Variants in CACNA1D observed in about 807,000 individuals in gnomAD.
The protein encoded by CACNA1D is voltage-dependent L-type calcium channel subunit alpha-1D.
CACNA1D carries 55 observed loss-of-function variants against 257.1 expected under a neutral mutation model. That is an observed-to-expected ratio of 0.21 (90% CI 0.17 to 0.27). The LOEUF is 0.27. Ranked by LOEUF, CACNA1D falls within the 10% of genes least tolerant of loss-of-function variation. The pLI, the probability that CACNA1D is intolerant of heterozygous loss-of-function variation, is 1.00. For missense variants in CACNA1D, 1,876 were observed against 2,784.0 expected (o/e 0.67, Z 7.34); for synonymous variants, 980 against 1,014.9 (o/e 0.97, Z 0.65).
intron 5 of CACNA1D, among the ~76,000 whole-genome samples, chr3:53,665,198 A>T (rs1237327304): frequency 6.6e-6 from 1 of 151,956 alleles, no homozygotes; most frequent in East Asian, 1.9e-4. Context: ...AACTATTGGG[A>T]TATTTATATA....
intron 21 of CACNA1D, among the ~76,000 whole-genome samples, chr3:53,742,381 G>A (rs920703185): frequency 6.6e-6 from 1 of 152,160 alleles, no homozygotes; most frequent in Admixed American, 6.5e-5. Flanking sequence ...GGTGCTCCAG[G>A]TACATGTGGC....
chr3:53,512,407 G>T (rs1454356181), intron 3 of CACNA1D, among the ~76,000 whole-genome samples: 1 of 152,164 alleles, frequency 6.6e-6, no homozygotes, highest in African/African-American at 2.4e-5. Flanking sequence ...TCAGTTAATT[G>T]ATGTTATTAA....
chr3:53,800,638 A>G lies in CACNA1D; in HGVS notation c.5040+273A>G, dbSNP rs1450000265. 4 of 525,782 alleles carry G rather than the reference A, an allele frequency of 7.6e-6. No individual in the cohort carries two copies. The Admixed American group carries it at 8.9e-5, about 12-fold the overall frequency. The allele number at this position is 525,782 out of a possible 1,614,324, so 32.6% of individuals were successfully genotyped here. On this transcript the variant is annotated intron_variant, in intron 41 of 47. Transcript: ENST00000350061. This position sits in a 1 kb window ranked among gnomAD's most constrained non-coding sequence, Gnocchi z 4.3. ...TCGGCCACAGCCGCTGGCCCTGTGG[A>G]TGAGCATCCTGAGTCCTTCCGGCAG...
chr3:53,778,892 G>T (rs7615160), intron 37 of CACNA1D, among the ~76,000 whole-genome samples: 1 of 152,226 alleles, frequency 6.6e-6, no homozygotes, highest in African/African-American at 2.4e-5. Flanking sequence ...AGGTCTGAAG[G>T]ACATTCCCTG....
chr3:53,507,316 T>C (rs1398213337), intron 3 of CACNA1D, among the ~76,000 whole-genome samples: 1 of 152,232 alleles, frequency 6.6e-6, no homozygotes, highest in East Asian at 1.9e-4. Context: ...CAGCTCTTAA[T>C]TGAGATTTGT....
chr3:53,758,349 T>G (rs2095279342), intron 29 of CACNA1D, among the ~76,000 whole-genome samples: 2 of 152,200 alleles, frequency 1.3e-5, no homozygotes, highest in South Asian at 4.1e-4. Context: ...ACATTATTTA[T>G]ATAGGCTTCT....
chr3:53,520,564 G>A (rs539665098), intron 3 of CACNA1D, among the ~76,000 whole-genome samples: 3 of 152,268 alleles, frequency 2.0e-5, no homozygotes, highest in Non-Finnish European at 2.9e-5. Flanking sequence ...CCAGGAGTTC[G>A]AGACCAGCCT....
At chr3:53,527,927 T>A (rs988646997) in intron 3 of CACNA1D, among the ~76,000 whole-genome samples, 1 of 152,184 alleles carries the variant, frequency 6.6e-6, no homozygotes, top group African/African-American at 2.4e-5. Flanking sequence ...TTAGAACTTC[T>A]GGAATCATTC....
intron 7 of CACNA1D, among the ~76,000 whole-genome samples, chr3:53,667,345 C>G (rs1193877053): frequency 6.6e-6 from 1 of 152,102 alleles, no homozygotes; most frequent in East Asian, 1.9e-4. Context: ...GCAAATAAAG[C>G]TCACAGAAGT....
At chr3:53,691,798 C>CTATATT (rs2094526226) in intron 8 of CACNA1D, among the ~76,000 whole-genome samples, 1 of 59,222 alleles carries the variant, frequency 1.7e-5, no homozygotes, top group Non-Finnish European at 3.4e-5. Flanking sequence ...ATATATATTA[C>CTATATT]ATATATAATA....
At chr3:53,806,876 G>A (rs796807579) in intron 45 of CACNA1D, among the ~76,000 whole-genome samples, 42 of 151,964 alleles carry the variant, frequency 2.8e-4, no homozygotes, top group African/African-American at 8.0e-4. Context: ...GATGGCCCTC[G>A]CCCTTGTGAG....
chr3:53,676,638 A>G (rs2094379728), intron 8 of CACNA1D, among the ~76,000 whole-genome samples: 1 of 152,202 alleles, frequency 6.6e-6, no homozygotes, highest in Non-Finnish European at 1.5e-5. Context: ...GCCATTTGGA[A>G]ATACCTGTAT....
intron 4 of CACNA1D, among the ~76,000 whole-genome samples, chr3:53,654,740 T>C (rs941546059): frequency 5.3e-5 from 8 of 152,208 alleles, no homozygotes; most frequent in African/African-American, 1.9e-4. Context: ...CTGCAGATTC[T>C]AAAATATTTA....
chr3:53,632,609 A>G (rs865959379), intron 3 of CACNA1D, among the ~76,000 whole-genome samples: 4 of 152,366 alleles, frequency 2.6e-5, no homozygotes, highest in Middle Eastern at 3.4e-3. Context: ...TCCCTCACTA[A>G]GCTTAATCAT....
chr3:53,805,963 C>CCGTT (rs2095562459), intron 45 of CACNA1D, among the ~76,000 whole-genome samples: 1 of 131,688 alleles, frequency 7.6e-6, no homozygotes. Context: ...CCCTCCTCCT[C>CCGTT]CCTCCCTCAT....
intron 29 of CACNA1D, among the ~76,000 whole-genome samples, chr3:53,756,487 A>G (rs1370414732): frequency 6.6e-6 from 1 of 152,222 alleles, no homozygotes; most frequent in Non-Finnish European, 1.5e-5. Context: ...TAGGAGCCGA[A>G]GCGCAAAAGC....
intron 3 of CACNA1D, among the ~76,000 whole-genome samples, chr3:53,571,988 G>A (rs536344407): frequency 1.3e-5 from 2 of 152,244 alleles, no homozygotes; most frequent in Admixed American, 6.5e-5. Context: ...CATTACCCTG[G>A]TTTTACAAAT....
chr3:53,776,073 C>T (rs371727814), intron 35 of CACNA1D, 28 bp downstream of exon 35: 5 of 1,599,334 alleles, frequency 3.1e-6, no homozygotes, highest in Non-Finnish European at 3.4e-6. Flanking sequence ...CTCCCCCTCT[C>T]AATTTACAGA....
intron 8 of CACNA1D, among the ~76,000 whole-genome samples, chr3:53,701,493 G>T (rs1176344199): frequency 2.0e-5 from 3 of 152,182 alleles, no homozygotes. Context: ...GTTGAGTTGG[G>T]TTGGGTTGGC....
Sources: allele counts gnomAD v4.1 joint callset (sites outside exome capture counted in the v4.1 genomes callset), GRCh38; gene constraint gnomAD v4.1.1; non-coding constraint Gnocchi (gnomAD v3.1); transcripts MANE v1.5; gene names NCBI Gene and HGNC (gene_info 2026-07-23, HGNC 2026-07-21).